SLCO6A1: variants seen among roughly 807,000 people sequenced by gnomAD.
The protein encoded by SLCO6A1 is cancer/testis antigen 48.
A neutral mutation model predicts 72.7 loss-of-function variants in SLCO6A1; 65 were observed. The observed-to-expected ratio is 0.89, with a 90% CI of 0.73 to 1.10. SLCO6A1 has a LOEUF of 1.10. Ranked by LOEUF, SLCO6A1 falls within the 50% of genes least tolerant of loss-of-function variation. The probability of loss-of-function intolerance (pLI) is 0.00; values close to 1 mark genes in which losing one functional copy is unlikely to be tolerated. For synonymous variants in SLCO6A1, 314 were observed against 298.2 expected, an observed-to-expected ratio of 1.05 and a Z score of -0.55; for missense variants, 874 against 872.6, an observed-to-expected ratio of 1.00 and a Z score of -0.02.
chr5:102,427,887 T>TTG (rs1749002538), intron 7 of SLCO6A1, among the ~76,000 whole-genome samples: 1 of 107,304 alleles, frequency 9.3e-6, no homozygotes. Context: ...TTTTTTTTTT[T>TTG]GAGACCGAGT....
rs193064253 is a variant in SLCO6A1 at position 102,372,017 on chromosome 5, T to C, written c.*122A>G. ...TATATTTTTGCTACTTATGTAAACATAATGTGTGATTTTCCTCTTCTGAAA... is the reference window on the plus strand; with the variant it reads ...TATATTTTTGCTACTTATGTAAACACAATGTGTGATTTTCCTCTTCTGAAA... On this transcript the variant is annotated 3_prime_UTR_variant, in exon 14 of 14. Coordinates refer to ENST00000506729, the MANE Select transcript of SLCO6A1 (RefSeq NM_173488.5). The C allele has an allele frequency of 1.6e-4, 24 of 152,094 alleles. No individual in the cohort carries two copies. The highest frequency in any genetic ancestry group is 2.9e-4 in the Non-Finnish European group (20 of 67,906). 9.4% of individuals were successfully genotyped at this position (152,094 alleles called of 1,614,324 possible).
intron 8 of SLCO6A1, among the ~76,000 whole-genome samples, chr5:102,417,812 G>C (rs1748370376): frequency 6.6e-6 from 1 of 151,868 alleles, no homozygotes; most frequent in Admixed American, 6.6e-5. Context: ...GGCCAATATG[G>C]TGAACCCTGT....
At chr5:102,409,352 T>C (rs376507554) in intron 9 of SLCO6A1, among the ~76,000 whole-genome samples, 10 of 152,196 alleles carry the variant, frequency 6.6e-5, no homozygotes, top group African/African-American at 2.4e-4. Context: ...AATAGTAACA[T>C]TTAATCAGAA....
At chr5:102,461,721 A>T (rs959096210) in intron 4 of SLCO6A1, among the ~76,000 whole-genome samples, 3 of 152,158 alleles carry the variant, frequency 2.0e-5, no homozygotes, top group Non-Finnish European at 2.9e-5. Context: ...GTTGAAGGAA[A>T]AAGAGAAGCT....
At chr5:102,387,371 C>T (rs1380577946) in intron 12 of SLCO6A1, among the ~76,000 whole-genome samples, 1 of 152,174 alleles carries the variant, frequency 6.6e-6, no homozygotes, top group Non-Finnish European at 1.5e-5. Flanking sequence ...CTACTGGAAT[C>T]TCTTCTAGTT....
chr5:102,372,204 G>A (rs1750661426), intron 13 of SLCO6A1, 81 bp from the exon 14 acceptor site: 1 of 151,954 alleles, frequency 6.6e-6, no homozygotes, highest in South Asian at 2.1e-4. Flanking sequence ...TAAAATGCAT[G>A]TTGAAATAAA....
Position 102,438,698 on chromosome 5 carries a change from T to G in SLCO6A1, c.1195A>C (p.Ile399Leu). 6.3e-7 allele frequency: 1 copy of G among 1,599,408 alleles called. No individual in the cohort carries two copies. The highest frequency in any genetic ancestry group is 1.7e-5 in the Admixed American group (1 of 57,688). The change falls in exon 7 of 14, where the codon ATT (isoleucine) becomes CTT (leucine). Residue 399 changes from isoleucine (I) to leucine (L), a missense_variant. Coordinates refer to ENST00000506729, the MANE Select transcript of SLCO6A1 (RefSeq NM_173488.5). ...GGCAAAAATTCAGAAGCTCCAATAATAACTAAATATTCTGTAGCTTTTGAC... is the reference window on the plus strand; with the variant it reads ...GGCAAAAATTCAGAAGCTCCAATAAGAACTAAATATTCTGTAGCTTTTGAC... ...ALSKATEYLV[I>L]IGASEFLPIY...
intron 6 of SLCO6A1, among the ~76,000 whole-genome samples, chr5:102,442,846 G>A (rs1014960044): frequency 6.6e-6 from 1 of 152,086 alleles, no homozygotes; most frequent in Non-Finnish European, 1.5e-5. Flanking sequence ...GGCGGCTCAT[G>A]AGGTCAGGAG....
intron 4 of SLCO6A1, among the ~76,000 whole-genome samples, chr5:102,472,382 C>G (rs1364435058): frequency 3.3e-5 from 5 of 152,024 alleles, no homozygotes; most frequent in Non-Finnish European, 7.4e-5. Context: ...TGGAACTATT[C>G]TTCGTTATCT....
intron 1 of SLCO6A1, among the ~76,000 whole-genome samples, chr5:102,483,556 T>C (rs1476015847): frequency 6.6e-6 from 1 of 152,202 alleles, no homozygotes; most frequent in African/African-American, 2.4e-5. Context: ...ATTTTTGGTA[T>C]ATAGAATATT....
intron 1 of SLCO6A1, among the ~76,000 whole-genome samples, chr5:102,485,009 TGGGA>T (rs1389055705): frequency 6.6e-6 from 1 of 152,064 alleles, no homozygotes; most frequent in Non-Finnish European, 1.5e-5. Flanking sequence ...CCCAGCACTT[TGGGA>T]GGCTGAGGCG....
intron 7 of SLCO6A1, among the ~76,000 whole-genome samples, chr5:102,437,430 G>C (rs1391699297): frequency 6.6e-6 from 1 of 152,134 alleles, no homozygotes; most frequent in Non-Finnish European, 1.5e-5. Flanking sequence ...CCAGGAGCTT[G>C]AGGGAGTCAA....
chr5:102,411,829 G>A (rs543041804), intron 9 of SLCO6A1, among the ~76,000 whole-genome samples: 2 of 151,980 alleles, frequency 1.3e-5, no homozygotes, highest in African/African-American at 2.4e-5. Context: ...AGTCCTTTGT[G>A]GGGGGGAAAT....
At chr5:102,433,485 T>G (rs1256528172) in intron 7 of SLCO6A1, among the ~76,000 whole-genome samples, 1 of 152,142 alleles carries the variant, frequency 6.6e-6, no homozygotes, top group Non-Finnish European at 1.5e-5. Context: ...TTGTATAAGG[T>G]GGGTTCATTC....
At chr5:102,405,249 G>T (rs62369343) in intron 9 of SLCO6A1, among the ~76,000 whole-genome samples, 39,214 of 151,596 alleles carry the variant, frequency 0.26, 5,277 homozygotes, top group South Asian at 0.34. Context: ...GAAAGATATT[G>T]GGGCAGAAAA....
intron 5 of SLCO6A1, 50 bp downstream of exon 5, chr5:102,459,606 G>GT: frequency 1.3e-6 from 2 of 1,516,456 alleles, no homozygotes; most frequent in Non-Finnish European, 8.8e-7. Context: ...AAGAACCATG[G>GT]TGGAAGAAAC....
At chr5:102,477,118 A>G (rs1250084517) in intron 3 of SLCO6A1, among the ~76,000 whole-genome samples, 2 of 151,514 alleles carry the variant, frequency 1.3e-5, no homozygotes, top group African/African-American at 4.9e-5. Context: ...TTTATTACTT[A>G]AGAAAGTATT....
intron 10 of SLCO6A1, among the ~76,000 whole-genome samples, chr5:102,396,337 A>G (rs922885584): frequency 9.9e-5 from 15 of 152,096 alleles, no homozygotes; most frequent in Admixed American, 3.3e-4. Flanking sequence ...GGTTTGTCAA[A>G]GATCAGATGG....
intron 1 of SLCO6A1, among the ~76,000 whole-genome samples, chr5:102,496,281 G>T (rs2112875675): frequency 6.6e-6 from 1 of 152,284 alleles, no homozygotes; most frequent in East Asian, 1.9e-4. Context: ...AGCAGGTATT[G>T]TTTGTACTGC....
Sources: gnomAD v4.1 joint callset for allele counts (sites outside exome capture counted in the v4.1 genomes callset) on GRCh38, gnomAD v4.1.1 for gene constraint, MANE v1.5 for transcripts, NCBI Gene and HGNC (gene_info 2026-07-23, HGNC 2026-07-21) for gene names.